FSTL5: variants seen among roughly 807,000 people sequenced by gnomAD.
FSTL5 encodes follistatin like 5.
A neutral mutation model predicts 89.1 loss-of-function variants in FSTL5; 62 were observed. That is an observed-to-expected ratio of 0.70 (90% CI 0.57 to 0.86). The LOEUF (loss-of-function observed/expected upper bound fraction) is 0.86, where lower values mean the gene tolerates loss of function less well. Ranked by LOEUF, FSTL5 falls within the 40% of genes least tolerant of loss-of-function variation. FSTL5 has a pLI of 0.00. For missense variants in FSTL5, 1,057 were observed against 1,001.6 expected (o/e 1.06, Z -0.75); for synonymous variants, 383 against 346.2 (o/e 1.11, Z -1.18).
chr4:161,430,737 C>T (rs979004689), intron 15 of FSTL5, among the ~76,000 whole-genome samples: 1 of 151,782 alleles, frequency 6.6e-6, no homozygotes, highest in African/African-American at 2.4e-5. Flanking sequence ...GCGACTCCGT[C>T]AGAAAACAAA....
intron 7 of FSTL5, among the ~76,000 whole-genome samples, chr4:161,621,274 AC>A (rs1244594518): frequency 1.3e-5 from 1 of 76,398 alleles, no homozygotes; most frequent in East Asian, 5.8e-4. Flanking sequence ...GACTACACAC[AC>A]ACACACACAC....
chr4:161,506,058 A>G (rs1730468460), intron 11 of FSTL5, among the ~76,000 whole-genome samples: 1 of 151,922 alleles, frequency 6.6e-6, no homozygotes, highest in Non-Finnish European at 1.5e-5. Flanking sequence ...TTACTTTTAT[A>G]GGCCCTGTTA....
At chr4:161,796,636 G>GT (rs1162858753) in intron 4 of FSTL5, among the ~76,000 whole-genome samples, 6 of 151,184 alleles carry the variant, frequency 4.0e-5, no homozygotes, top group African/African-American at 1.5e-4. Flanking sequence ...TTTCCAGAAA[G>GT]TTTTTTTCAT....
chr4:161,929,660 C>T (rs138212890), intron 3 of FSTL5, among the ~76,000 whole-genome samples: 3 of 126,846 alleles, frequency 2.4e-5, no homozygotes, highest in East Asian at 2.5e-4. Flanking sequence ...TAGGTAGGCA[C>T]GTGTGTGTGT....
intron 2 of FSTL5, among the ~76,000 whole-genome samples, chr4:162,041,310 AT>A (rs1250245173): frequency 1.3e-5 from 2 of 152,038 alleles, no homozygotes; most frequent in African/African-American, 4.8e-5. Flanking sequence ...AAAAGAGTGC[AT>A]GATAAGACTG....
intron 7 of FSTL5, among the ~76,000 whole-genome samples, chr4:161,652,528 G>A (rs1468052484): frequency 1.3e-5 from 2 of 151,846 alleles, no homozygotes; most frequent in African/African-American, 2.4e-5. Flanking sequence ...GAGATAATGA[G>A]GTAATGAGAT....
chr4:161,878,480 A>G (rs1323411766), intron 4 of FSTL5, among the ~76,000 whole-genome samples: 4 of 152,146 alleles, frequency 2.6e-5, no homozygotes, highest in African/African-American at 7.2e-5. Flanking sequence ...TCAGATGATT[A>G]TAGGACCTAC....
rs574340156 is a variant in FSTL5 at position 161,627,453 on chromosome 4, T to C, written c.894+28875A>G. ...TACATTATAGTATAAATATAACTTT[T>C]ATATGCACTGGGAAACCAAAACAAT... is the stretch of plus-strand genomic sequence containing the variant. On this transcript the variant is annotated intron_variant, in intron 7 of 15. Transcript: ENST00000306100. Among the ~76,000 whole-genome samples, 3 of 152,324 alleles carry C rather than the reference T, an allele frequency of 2.0e-5. No individual in the cohort carries two copies. The South Asian group carries it at 6.2e-4, about 32-fold the overall frequency.
At chr4:162,132,831 GA>G (rs1732358281) in intron 1 of FSTL5, among the ~76,000 whole-genome samples, 1 of 152,188 alleles carries the variant, frequency 6.6e-6, no homozygotes, top group African/African-American at 2.4e-5. Flanking sequence ...TGTCAGCCTG[GA>G]AACTATAAAC....
intron 10 of FSTL5, among the ~76,000 whole-genome samples, chr4:161,531,812 A>G (rs144557132): frequency 0.012 from 1,782 of 152,278 alleles, 28 homozygotes; most frequent in African/African-American, 0.04. Context: ...TGCTATCAAT[A>G]TTTGTATGCA....
intron 3 of FSTL5, among the ~76,000 whole-genome samples, chr4:162,000,352 A>T (rs1736424126): frequency 6.6e-6 from 1 of 152,150 alleles, no homozygotes; most frequent in Non-Finnish European, 1.5e-5. Flanking sequence ...GCACTTTGGG[A>T]GGCCAAGGTG....
intron 7 of FSTL5, among the ~76,000 whole-genome samples, chr4:161,651,542 G>A (rs1189753338): frequency 6.6e-6 from 1 of 151,986 alleles, no homozygotes; most frequent in Non-Finnish European, 1.5e-5. Flanking sequence ...GGGAAGGGAG[G>A]GGAAGAAAGG....
chr4:161,397,118 C>T (rs1731032062), intron 15 of FSTL5, among the ~76,000 whole-genome samples: 1 of 152,024 alleles, frequency 6.6e-6, no homozygotes, highest in Non-Finnish European at 1.5e-5. Context: ...ATGCCTTTAA[C>T]AATGTGAATG....
intron 7 of FSTL5, among the ~76,000 whole-genome samples, chr4:161,648,534 T>A (rs1214438536): frequency 6.6e-6 from 1 of 152,192 alleles, no homozygotes; most frequent in Admixed American, 6.5e-5. Flanking sequence ...GAGACAAACA[T>A]CTCTTCAGCA....
chr4:161,859,849 T>C (rs1389776504), intron 4 of FSTL5, among the ~76,000 whole-genome samples: 3 of 152,064 alleles, frequency 2.0e-5, no homozygotes, highest in Admixed American at 6.6e-5. Flanking sequence ...GAGTGAAGTA[T>C]TAAGGTGGGG....
intron 8 of FSTL5, among the ~76,000 whole-genome samples, chr4:161,569,517 T>C (rs1003084314): frequency 6.6e-6 from 1 of 152,108 alleles, no homozygotes; most frequent in Non-Finnish European, 1.5e-5. Context: ...AAGACAGCAA[T>C]TACATTTCTG....
At chr4:161,579,065 T>C (rs1428335087) in intron 8 of FSTL5, among the ~76,000 whole-genome samples, 1 of 152,180 alleles carries the variant, frequency 6.6e-6, no homozygotes, top group Non-Finnish European at 1.5e-5. Context: ...TTTTGTTCTC[T>C]TGCCTAATTT....
chr4:162,111,825 GTTA>G (rs1731456218), intron 1 of FSTL5, among the ~76,000 whole-genome samples: 1 of 152,104 alleles, frequency 6.6e-6, no homozygotes, highest in Non-Finnish European at 1.5e-5. Flanking sequence ...TAGACTTACC[GTTA>G]TTATAATTCA....
At chr4:162,042,257 G>C (rs1350249852) in intron 2 of FSTL5, among the ~76,000 whole-genome samples, 3 of 152,140 alleles carry the variant, frequency 2.0e-5, no homozygotes, top group Admixed American at 6.6e-5. Context: ...TAATGGTTTA[G>C]AAGTAGTTGG....
Sources: gnomAD v4.1 joint callset for allele counts (sites outside exome capture counted in the v4.1 genomes callset) on GRCh38, gnomAD v4.1.1 for gene constraint, MANE v1.5 for transcripts, NCBI Gene and HGNC (gene_info 2026-07-23, HGNC 2026-07-21) for gene names.